Variants in IQCM observed in about 807,000 individuals in gnomAD.
IQCM encodes IQ motif containing M, also known as IQ domain-containing protein M.
A neutral mutation model predicts 57.6 loss-of-function variants in IQCM; 45 were observed. The observed-to-expected ratio is 0.78, with a 90% CI of 0.62 to 1.00. The LOEUF (loss-of-function observed/expected upper bound fraction) is 1.00, where lower values mean the gene tolerates loss of function less well. Ranked by LOEUF, IQCM falls within the 50% of genes least tolerant of loss-of-function variation. The pLI is 0.00. For missense variants in IQCM, 468 were observed against 511.6 expected (o/e 0.91, Z 0.82); for synonymous variants, 148 against 158.9 (o/e 0.93, Z 0.51).
In IQCM at chr4:149,508,751, T is replaced by C. The variant is rs541371998; in HGVS notation, c.1228+39704A>G. Among the ~76,000 whole-genome samples the C allele has an allele frequency of 1.2e-4, 18 of 152,154 alleles. No individual in the cohort carries two copies. The South Asian group carries it at 3.7e-3, about 32-fold the overall frequency. On this transcript the variant is annotated intron_variant, in intron 12 of 13. Transcript: ENST00000636793. ...TTGGGGGATTGTTGGGAAGGCATGA[T>C]TGGTTTTGAAATGTGAGGACATGAG...
intron 13 of IQCM, among the ~76,000 whole-genome samples, chr4:149,427,184 A>C (rs1317847089): frequency 6.6e-6 from 1 of 151,970 alleles, no homozygotes; most frequent in Admixed American, 6.6e-5. Context: ...CAAAACTCTG[A>C]TGTTGCTTTA....
chr4:149,726,759 C>A (rs1481388658), intron 5 of IQCM, among the ~76,000 whole-genome samples: 1 of 151,886 alleles, frequency 6.6e-6, no homozygotes, highest in African/African-American at 2.4e-5. Context: ...TATATAATAT[C>A]TCAATAATTT....
chr4:149,598,183 G>A (rs1373574138), intron 8 of IQCM, among the ~76,000 whole-genome samples: 1 of 152,142 alleles, frequency 6.6e-6, no homozygotes, highest in Non-Finnish European at 1.5e-5. Flanking sequence ...TGTGATGCTA[G>A]ATGTAATGGC....
At chr4:149,800,434 G>A (rs1773501480) in intron 2 of IQCM, among the ~76,000 whole-genome samples, 1 of 151,762 alleles carries the variant, frequency 6.6e-6, no homozygotes, top group Admixed American at 6.6e-5. Context: ...CTAAAATCTG[G>A]AACACAAGAA....
At chr4:149,700,572 A>T (rs916621500) in intron 5 of IQCM, among the ~76,000 whole-genome samples, 6 of 152,032 alleles carry the variant, frequency 3.9e-5, no homozygotes, top group Admixed American at 3.9e-4. Context: ...CTTTCAGGAC[A>T]AGGATTTTTG....
At chr4:149,752,183 G>GAA (rs61362904) in intron 2 of IQCM, among the ~76,000 whole-genome samples, 1 of 145,892 alleles carries the variant, frequency 6.9e-6, no homozygotes, top group African/African-American at 2.5e-5. Context: ...CATCTTTCTA[G>GAA]AAAAAAAAAA....
chr4:149,437,239 T>G (rs572619284), intron 12 of IQCM, among the ~76,000 whole-genome samples: 1 of 152,230 alleles, frequency 6.6e-6, no homozygotes, highest in South Asian at 2.1e-4. Context: ...ACCCTTCCAA[T>G]CTTTTTAAAT....
rs1026223000 is a variant in IQCM at position 149,715,603 on chromosome 4, T to A, written c.385+17641A>T. Among the ~76,000 whole-genome samples, 3 of 152,132 alleles carry A rather than the reference T, an allele frequency of 2.0e-5. No individual in the cohort carries two copies. In the East Asian group the frequency reaches 5.8e-4, roughly 29 times the overall value. The stretch of plus-strand genomic sequence containing the variant: ...GAGCAAGGGGCGTGTTTCAGCCCTG[T>A]TTGTGTTACAGCTCTTTCAGTCCTG... On this transcript the variant is annotated intron_variant, in intron 5 of 13. Transcript: ENST00000636793.
chr4:149,414,139 A>T (rs186740097), intron 13 of IQCM, among the ~76,000 whole-genome samples: 1 of 152,278 alleles, frequency 6.6e-6, no homozygotes, highest in East Asian at 1.9e-4. Flanking sequence ...AACCCGTCTT[A>T]TTTATCATCT....
At chr4:149,470,314 G>T (rs1401441065) in intron 12 of IQCM, among the ~76,000 whole-genome samples, 1 of 151,852 alleles carries the variant, frequency 6.6e-6, no homozygotes, top group African/African-American at 2.4e-5. Context: ...AAAAGCAGGG[G>T]TTGCAATACA....
chr4:149,576,188 T>C (rs969474691), intron 9 of IQCM, among the ~76,000 whole-genome samples: 3 of 151,770 alleles, frequency 2.0e-5, no homozygotes, highest in African/African-American at 7.3e-5. Flanking sequence ...CCGTGCAGGA[T>C]TTTTTATGGG....
chr4:149,673,002 A>T (rs1376989629), intron 7 of IQCM, among the ~76,000 whole-genome samples: 2 of 152,204 alleles, frequency 1.3e-5, no homozygotes, highest in Non-Finnish European at 2.9e-5. Context: ...TTTTCAACTC[A>T]GAATTTCATA....
chr4:149,808,894 G>T (rs898924940), intron 2 of IQCM, among the ~76,000 whole-genome samples: 2 of 152,140 alleles, frequency 1.3e-5, no homozygotes, highest in Non-Finnish European at 2.9e-5. Context: ...TGTCTTGTAA[G>T]ATAATTTTTT....
chr4:149,634,500 A>T (rs1757559954), intron 7 of IQCM, among the ~76,000 whole-genome samples: 1 of 152,196 alleles, frequency 6.6e-6, no homozygotes, highest in Admixed American at 6.5e-5. Flanking sequence ...GACATCTAAA[A>T]TTAATTTGTA....
At chr4:149,607,858 G>A (rs1754931206) in intron 8 of IQCM, among the ~76,000 whole-genome samples, 1 of 151,796 alleles carries the variant, frequency 6.6e-6, no homozygotes, top group Non-Finnish European at 1.5e-5. Context: ...ATGGATGGAA[G>A]GAAGGAAGGG....
rs114539038 is a variant in IQCM at position 149,697,374 on chromosome 4, T to C, written c.386-10906A>G. ...AACAAACCTGCATGTTGTGCACTTG[T>C]ACCCTAGAACTTAAAGCATAATAAA... is the stretch of plus-strand genomic sequence containing the variant. On this transcript the variant is annotated intron_variant, in intron 5 of 13. Coordinates refer to ENST00000636793, the MANE Select transcript of IQCM (RefSeq NM_001363507.2). Among the ~76,000 whole-genome samples, 1,321 of 152,146 alleles carry C rather than the reference T, an allele frequency of 8.7e-3. 11 individuals carry two copies. The highest frequency in any genetic ancestry group is 0.03 in the African/African-American group (1,249 of 41,524).
intron 12 of IQCM, among the ~76,000 whole-genome samples, chr4:149,446,875 A>G (rs1204108309): frequency 6.6e-6 from 1 of 151,574 alleles, no homozygotes; most frequent in African/African-American, 2.4e-5. Flanking sequence ...AATGTTGTCA[A>G]GAATGTTTTC....
chr4:149,546,668 T>C (rs1442073327), intron 12 of IQCM, among the ~76,000 whole-genome samples: 1 of 152,150 alleles, frequency 6.6e-6, no homozygotes, highest in African/African-American at 2.4e-5. Context: ...GATGGGGTTG[T>C]TTGTTTTTTT....
intron 13 of IQCM, among the ~76,000 whole-genome samples, chr4:149,374,082 C>T (rs998595348): frequency 7.9e-5 from 12 of 152,110 alleles, no homozygotes; most frequent in African/African-American, 2.9e-4. Context: ...GATTTCACAT[C>T]CTGATTTTGA....
Sources: allele counts gnomAD v4.1 joint callset (sites outside exome capture counted in the v4.1 genomes callset), GRCh38; gene constraint gnomAD v4.1.1; transcripts MANE v1.5; gene names NCBI Gene and HGNC (gene_info 2026-07-23, HGNC 2026-07-21).